MYRFL: variants seen among roughly 807,000 people sequenced by gnomAD.
MYRFL encodes myelin regulatory factor-like protein.
MYRFL carries 88 observed loss-of-function variants against 109.4 expected under a neutral mutation model. The observed-to-expected ratio is 0.80, with a 90% CI of 0.68 to 0.96. MYRFL has a LOEUF of 0.96. MYRFL is among the 40% of genes least tolerant of loss of function. MYRFL has a pLI of 0.00. For synonymous variants in MYRFL, 324 were observed against 320.9 expected (o/e 1.01, Z -0.10); for missense variants, 957 against 954.9 (o/e 1.00, Z -0.03).
At position 69,932,538 on chromosome 12, in the gene MYRFL, C is replaced by T. The variant is rs1018237833; in HGVS notation, c.1856C>T (p.Ala619Val). 6 of 1,535,730 alleles carry T rather than the reference C, an allele frequency of 3.9e-6. No individual in the cohort carries two copies. Among genetic ancestry groups the T allele is most frequent in the Admixed American group, 3.9e-5 (2 of 50,982 alleles). Residue 619 changes from alanine (A) to valine (V), a missense_variant, in exon 16 of 25, where the codon GCG becomes GTG. By Grantham distance (64) the Ala-to-Val change is moderately conservative. Transcript: ENST00000552032. ...NKVYFSGKRQ[A>V]CPNWVFQTLV... ...GTTTATTTTTCAGGAAAAAGACAGG[C>T]GTGTCCTAATTGGGTTTTCCAGACC...
intron 10 of MYRFL, among the ~76,000 whole-genome samples, chr12:69,899,932 G>A (rs1296228590): frequency 1.3e-5 from 2 of 152,196 alleles, no homozygotes; most frequent in African/African-American, 4.8e-5. Flanking sequence ...TCCCAGTGGA[G>A]TTCCTTCAGT....
chr12:69,830,426 A>G (rs1882559335), intron 1 of MYRFL, among the ~76,000 whole-genome samples: 1 of 150,304 alleles, frequency 6.7e-6, no homozygotes, highest in African/African-American at 2.4e-5. Context: ...TAGTTTCTAT[A>G]TATATTATAG....
intron 5 of MYRFL, among the ~76,000 whole-genome samples, chr12:69,883,748 T>C (rs1886275765): frequency 6.7e-6 from 1 of 149,010 alleles, no homozygotes. Flanking sequence ...TGGTGGCACA[T>C]GCCTGTGGTC....
rs1351253267 is a variant in MYRFL, at chr12:69,886,727, A to G, written c.557-93A>G. ...GACACTTCCCTAGTCACTCTGCCTTACACATGGCCCACTCATCAGCTTCAT... is the reference window on the plus strand; with the variant it reads ...GACACTTCCCTAGTCACTCTGCCTTGCACATGGCCCACTCATCAGCTTCAT... On this transcript the variant is annotated intron_variant, in intron 5 of 24. Transcript: ENST00000552032. 2.8e-6 allele frequency: 4 copies of G among 1,427,822 alleles called. No homozygotes were observed. In the African/African-American group the frequency reaches 4.2e-5, roughly 15 times the overall value. 88.4% of individuals were successfully genotyped at this position (1,427,822 alleles called of 1,614,324 possible).
chr12:69,915,000 C>T lies in MYRFL; in HGVS notation c.1602+4070C>T, dbSNP rs79050332. 1.6e-3 allele frequency among the ~76,000 whole-genome samples: 245 copies of T among 152,356 alleles called. 1 individual carries two copies. Among genetic ancestry groups the T allele is most frequent in the African/African-American group, 5.1e-3 (210 of 41,584 alleles). On this transcript the variant is annotated intron_variant, in intron 13 of 24. Transcript: ENST00000552032. ...AAGCCCGGCAGTGTGCTGTGCCTCA[C>T]TTCTGAGGATAGACTTTGTTTGCTA...
Position 69,879,379 on chromosome 12 carries a change from C to T in MYRFL, c.390C>T (p.Pro130=), listed in dbSNP as rs552415873. The part of the protein sequence containing the change: ...CHSNASHLAT[P]LDQSVSSHLG... Reference sequence around the variant, plus strand: ...CAAACGCCAGTCATCTTGCCACCCCCCTGGACCAATCCGTGTCCTCCCATC... The same window carrying T: ...CAAACGCCAGTCATCTTGCCACCCCTCTGGACCAATCCGTGTCCTCCCATC... Residue 130 remains proline, a synonymous_variant, in exon 4 of 25, where the codon CCC becomes CCT. Transcript: ENST00000552032. 7.8e-5 allele frequency: 55 copies of T among 702,820 alleles called. No individual in the cohort carries two copies. Among genetic ancestry groups the T allele is most frequent in the South Asian group, 1.6e-4 (11 of 67,606 alleles). The allele number at this position is 702,820 out of a possible 1,614,324, so 43.5% of individuals were successfully genotyped here. A position where few individuals can be genotyped will look rare whatever the true frequency, so the allele number is the denominator to read the frequency against.
At chr12:69,892,846 C>G (rs1019431273) in intron 7 of MYRFL, among the ~76,000 whole-genome samples, 1 of 152,046 alleles carries the variant, frequency 6.6e-6, no homozygotes, top group East Asian at 1.9e-4. Context: ...ATTTGGTAGC[C>G]TATTTTTTCT....
intron 19 of MYRFL, among the ~76,000 whole-genome samples, chr12:69,938,939 C>T (rs945075924): frequency 6.6e-6 from 1 of 152,124 alleles, no homozygotes. Flanking sequence ...ACGGATGGCA[C>T]CTGGAAAATC....
chr12:69,958,120 C>A, intron 23 of MYRFL, 129 bp from the exon 24 acceptor site: 2 of 1,166,748 alleles, frequency 1.7e-6, no homozygotes, highest in Non-Finnish European at 2.4e-6. Flanking sequence ...GTTCTAGCAA[C>A]ACCCATCAAA....
chr12:69,888,719 C>T (rs1465621399), intron 6 of MYRFL, among the ~76,000 whole-genome samples: 2 of 152,182 alleles, frequency 1.3e-5, no homozygotes, highest in Non-Finnish European at 2.9e-5. Context: ...GAGTTTTTGA[C>T]AGTGAAGCAT....
intron 21 of MYRFL, 54 bp downstream of exon 21, chr12:69,952,940 C>T (rs1329767626): frequency 3.1e-6 from 4 of 1,299,932 alleles, no homozygotes; most frequent in Non-Finnish European, 4.2e-6. Context: ...ACCCATGGCT[C>T]TGGGTTTTTA....
intron 2 of MYRFL, among the ~76,000 whole-genome samples, chr12:69,878,477 T>G (rs1225198501): frequency 6.6e-6 from 1 of 152,038 alleles, no homozygotes; most frequent in Non-Finnish European, 1.5e-5. Context: ...TAAGAAGTAA[T>G]TATTTAAAAA....
chr12:69,927,513 C>T (rs969890761), intron 14 of MYRFL, among the ~76,000 whole-genome samples, 172 bp from the exon 15 acceptor site: 9 of 152,016 alleles, frequency 5.9e-5, no homozygotes, highest in African/African-American at 2.2e-4. Flanking sequence ...GTTATACTTA[C>T]TAAAGTTCCT....
At chr12:69,827,227 C>G (rs965717162) in intron 1 of MYRFL, among the ~76,000 whole-genome samples, 4 of 152,114 alleles carry the variant, frequency 2.6e-5, no homozygotes, top group African/African-American at 9.7e-5. Context: ...TTTCCTCAGG[C>G]TCTTCATTCT....
chr12:69,887,058 A>G, intron 6 of MYRFL, 88 bp downstream of exon 6: 1 of 1,389,106 alleles, frequency 7.2e-7, no homozygotes, highest in South Asian at 1.4e-5. Flanking sequence ...CTTTGATGTC[A>G]CCTCTGGTCA....
chr12:69,899,018 T>C (rs1954096394), intron 10 of MYRFL, among the ~76,000 whole-genome samples: 1 of 152,236 alleles, frequency 6.6e-6, no homozygotes, highest in South Asian at 2.1e-4. Flanking sequence ...ACCAAAAATA[T>C]TAAATTTACT....
chr12:69,909,765 G>A (rs1032396133), intron 11 of MYRFL, among the ~76,000 whole-genome samples: 1 of 152,146 alleles, frequency 6.6e-6, no homozygotes, highest in African/African-American at 2.4e-5. Context: ...GGGGTGATGT[G>A]GGGGAGGCAT....
At chr12:69,891,670 T>G (rs1205587310) in intron 7 of MYRFL, among the ~76,000 whole-genome samples, 3 of 118,272 alleles carry the variant, frequency 2.5e-5, no homozygotes, top group African/African-American at 1.1e-4. Context: ...TCTTTCTTTC[T>G]TTCTTTCTTT....
chr12:69,952,285 C>A (rs1955996762), intron 20 of MYRFL, 110 bp downstream of exon 20: 2 of 930,440 alleles, frequency 2.1e-6, no homozygotes, highest in Admixed American at 2.0e-5. Flanking sequence ...CTGCAGCCTG[C>A]CTGCCACGCA....
Sources: gnomAD v4.1 joint callset for allele counts (sites outside exome capture counted in the v4.1 genomes callset) on GRCh38, gnomAD v4.1.1 for gene constraint, MANE v1.5 for transcripts, NCBI Gene and HGNC (gene_info 2026-07-23, HGNC 2026-07-21) for gene names.